The following PCDHA12 variants were observed in gnomAD, a reference collection of about 807,000 sequenced individuals.
PCDHA12 encodes protocadherin alpha-12.
Under a neutral mutation model 60.0 loss-of-function variants are expected in PCDHA12, and 44 were observed. The observed-to-expected ratio is 0.73, with a 90% confidence interval of 0.58 to 0.94. The LOEUF (loss-of-function observed/expected upper bound fraction) is 0.94, where lower values mean the gene tolerates loss of function less well. Among genes scored for constraint, PCDHA12 ranks in the 40% least tolerant of loss-of-function variants. The pLI is 0.00. For missense variants in PCDHA12, 1,276 were observed against 1,239.7 expected, an observed-to-expected ratio of 1.03 and a Z score of -0.44; for synonymous variants, 569 against 553.0, an observed-to-expected ratio of 1.03 and a Z score of -0.40.
intron 1 of PCDHA12, among the ~76,000 whole-genome samples, chr5:140,964,650 TG>T (rs1554227136): frequency 6.6e-6 from 1 of 151,800 alleles, no homozygotes; most frequent in Non-Finnish European, 1.5e-5. Flanking sequence ...AAACAAGTAA[TG>T]GGTGAGGACA....
At chr5:140,968,665 T>C (rs782078145) in intron 1 of PCDHA12, 4 of 1,614,042 alleles carry the variant, frequency 2.5e-6, no homozygotes, top group Non-Finnish European at 3.4e-6. Context: ...TGGACCTCTT[T>C]AAGGTAGAGC....
chr5:140,989,633 A>AGG (rs2097351730), intron 3 of PCDHA12, among the ~76,000 whole-genome samples: 1 of 152,226 alleles, frequency 6.6e-6, no homozygotes. Flanking sequence ...AGTGACAGCA[A>AGG]GGGTCTTTCA....
intron 3 of PCDHA12, among the ~76,000 whole-genome samples, chr5:141,005,701 CAA>C (rs59860837): frequency 3.2e-3 from 25 of 7,784 alleles, no homozygotes; most frequent in African/African-American, 6.6e-3. Flanking sequence ...AACTCCGTCT[CAA>C]AAAAAAAAAA....
chr5:140,966,318 C>A, intron 1 of PCDHA12: 1 of 389,680 alleles, frequency 2.6e-6, no homozygotes, highest in African/African-American at 2.1e-5. Context: ...TCCTGCGGTC[C>A]GCTGGGATCC....
chr5:141,008,872 A>C (rs1174901625), intron 3 of PCDHA12, among the ~76,000 whole-genome samples: 1 of 152,140 alleles, frequency 6.6e-6, no homozygotes, highest in Non-Finnish European at 1.5e-5. Context: ...GCTGCATCCC[A>C]CCACCCTTCA....
rs781808609 is a variant in PCDHA12 at position 140,876,960 on chromosome 5, G to A, written c.1488G>A (p.Glu496=). Residue 496 remains glutamate, a synonymous_variant, in exon 1 of 4, where the codon GAG becomes GAA. Transcript: ENST00000398631. ...CGCTGGTGTCCTACTCGCTGGTGGA[G>A]CGGCGGGTGGGCGAGCACGCACTGT... ...KNALVSYSLV[E]RRVGEHALSS... is the part of the protein sequence containing the mutation. The A allele has an allele frequency of 2.5e-6, 4 of 1,613,122 alleles. No individual in the cohort carries two copies. The highest frequency in any genetic ancestry group is 4.5e-5 in the East Asian group (2 of 44,896).
chr5:140,876,650 T>G lies in PCDHA12; in HGVS notation c.1178T>G (p.Val393Gly), dbSNP rs782068706. 4 of 1,614,162 alleles carry G rather than the reference T, an allele frequency of 2.5e-6. No individual in the cohort carries two copies. In the South Asian group the frequency reaches 4.4e-5, roughly 18 times the overall value. ...GTCATCTGCTCACTGACACCTCATG[T>G]TCCCTTCAAGCTGGTGTCCACCTAC... Reference protein sequence around the residue: ...GQVICSLTPHVPFKLVSTYKN... With the variant: ...GQVICSLTPHGPFKLVSTYKN... Residue 393 changes from valine to glycine, a missense_variant, in exon 1 of 4, where the codon GTT becomes GGT. Val to Gly is a moderately radical substitution (Grantham distance 109). Transcript: ENST00000398631.
chr5:140,917,449 C>T (rs1290889939), intron 1 of PCDHA12, among the ~76,000 whole-genome samples: 2 of 152,006 alleles, frequency 1.3e-5, no homozygotes, highest in Admixed American at 6.6e-5. Context: ...GCTGCAAGAG[C>T]GTTTGGCATC....
At chr5:140,990,962 T>C (rs2097423975) in intron 3 of PCDHA12, among the ~76,000 whole-genome samples, 2 of 152,180 alleles carry the variant, frequency 1.3e-5, no homozygotes, top group Non-Finnish European at 2.9e-5. Context: ...AATAGTCTCT[T>C]AGAACAAGAG....
intron 3 of PCDHA12, among the ~76,000 whole-genome samples, chr5:140,990,902 C>G (rs2097421729): frequency 6.6e-6 from 1 of 152,112 alleles, no homozygotes; most frequent in African/African-American, 2.4e-5. Flanking sequence ...GTTGCTGGGT[C>G]AAGTTTTATA....
chr5:140,876,092 A>C lies in PCDHA12; in HGVS notation c.620A>C (p.Lys207Thr). 2 of 1,613,948 alleles carry C rather than the reference A, an allele frequency of 1.2e-6. No homozygotes were observed. The highest frequency in any genetic ancestry group is 1.7e-6 in the Non-Finnish European group (2 of 1,179,888). The change falls in exon 1 of 4, where the codon AAA (lysine) becomes ACA (threonine). Residue 207 changes from lysine (K) to threonine (T), a missense_variant. Coordinates refer to ENST00000398631, the MANE Select transcript of PCDHA12 (RefSeq NM_018903.4). Reference sequence around the variant, plus strand: ...TTATTGGACAGAGAGCAAACGCCAAAACTCAATTTATTGCTGATGGTAATC... The same window carrying C: ...TTATTGGACAGAGAGCAAACGCCAACACTCAATTTATTGCTGATGGTAATC... ...RKLLDREQTP[K>T]LNLLLMVIDG...
intron 1 of PCDHA12, chr5:140,969,495 C>A: frequency 7.0e-7 from 1 of 1,437,888 alleles, no homozygotes; most frequent in South Asian, 1.5e-5. Flanking sequence ...TATTTCCTCT[C>A]TAGAAAAATA....
In PCDHA12 at chr5:140,928,021, T is replaced by G. The variant is rs1554205382; in HGVS notation, c.2367+50182T>G. ...CCTCGATTCTAATGGTAGGGTCATT[T>G]GTGGCATGTCTAGTGCAGGCCCTTT... On this transcript the variant is annotated intron_variant, in intron 1 of 3. Coordinates refer to ENST00000398631, the MANE Select transcript of PCDHA12 (RefSeq NM_018903.4). 3 of 1,614,220 alleles carry G rather than the reference T, an allele frequency of 1.9e-6. No individual in the cohort carries two copies. The African/African-American group carries it at 4.0e-5, about 22-fold the overall frequency.
chr5:140,994,962 T>C (rs2097657475), intron 3 of PCDHA12, among the ~76,000 whole-genome samples: 2 of 152,208 alleles, frequency 1.3e-5, no homozygotes, highest in Admixed American at 1.3e-4. Flanking sequence ...TGTAGTTTCA[T>C]TTGTTGGCCA....
At chr5:140,928,817 G>A (rs868908592) in intron 1 of PCDHA12, 1 of 1,614,118 alleles carries the variant, frequency 6.2e-7, no homozygotes, top group Non-Finnish European at 8.5e-7. Flanking sequence ...CGGGACCATG[G>A]AGACCCACCA....
intron 3 of PCDHA12, among the ~76,000 whole-genome samples, chr5:140,983,986 G>A (rs1475891501): frequency 2.0e-5 from 3 of 152,176 alleles, no homozygotes; most frequent in African/African-American, 7.2e-5. Context: ...ACGAGTTGAA[G>A]CAATTCATTA....
intron 1 of PCDHA12, among the ~76,000 whole-genome samples, chr5:140,897,549 T>C (rs1356591020): frequency 2.6e-5 from 4 of 152,140 alleles, no homozygotes; most frequent in African/African-American, 7.2e-5. Flanking sequence ...TAGTCTTCCA[T>C]GGTGTATATG....
chr5:140,875,832 C>T lies in PCDHA12; in HGVS notation c.360C>T (p.Asp120=). ...GGCCGCTGCAGGTTTTCCATGTGGA[C>T]GTGGAGGTGAAGGACATTAACGACA... is the stretch of plus-strand genomic sequence containing the variant. ...VDRPLQVFHV[D]VEVKDINDNP... Residue 120 remains aspartate (D), a synonymous_variant, in exon 1 of 4, where the codon GAC becomes GAT. Transcript: ENST00000398631. The T allele has an allele frequency of 6.2e-7, 1 of 1,614,086 alleles. No homozygotes were observed. The highest frequency in any genetic ancestry group is 1.6e-4 in the Middle Eastern group (1 of 6,062).
chr5:140,932,750 GGAAA>G (rs1554209054), intron 1 of PCDHA12, among the ~76,000 whole-genome samples: 1 of 151,518 alleles, frequency 6.6e-6, no homozygotes, highest in Non-Finnish European at 1.5e-5. Flanking sequence ...TCAGTAAAAA[GGAAA>G]GAAAAAGAAC....
Sources: allele counts gnomAD v4.1 joint callset (sites outside exome capture counted in the v4.1 genomes callset), GRCh38; gene constraint gnomAD v4.1.1; transcripts MANE v1.5; gene names NCBI Gene and HGNC (gene_info 2026-07-23, HGNC 2026-07-21).